Variants in TMEM120B observed in about 807,000 individuals in gnomAD.
The protein encoded by TMEM120B is transmembrane protein 120B.
TMEM120B carries 31 observed loss-of-function variants against 55.5 expected under a neutral mutation model. The observed-to-expected ratio is 0.56, with a 90% CI of 0.42 to 0.75. TMEM120B has a LOEUF of 0.75. Among genes scored for constraint, TMEM120B ranks in the 30% least tolerant of loss-of-function variants. TMEM120B has a pLI of 0.00. For synonymous variants in TMEM120B, 203 were observed against 176.3 expected, an observed-to-expected ratio of 1.15 and a Z score of -1.20; for missense variants, 399 against 425.5, an observed-to-expected ratio of 0.94 and a Z score of 0.55.
At chr12:121,746,906 C>T (rs866624779) in intron 2 of TMEM120B, among the ~76,000 whole-genome samples, 36 of 150,936 alleles carry the variant, frequency 2.4e-4, no homozygotes, top group South Asian at 4.2e-4. Context: ...TGCAGCGAGC[C>T]GAGATGGCGC....
chr12:121,718,344 C>T (rs527329797), intron 1 of TMEM120B, among the ~76,000 whole-genome samples: 6 of 150,434 alleles, frequency 4.0e-5, no homozygotes, highest in Non-Finnish European at 8.9e-5. Flanking sequence ...AAACAAAAAA[C>T]AAAAAAAAAC....
At chr12:121,757,429 C>T (rs1462607147) in intron 5 of TMEM120B, among the ~76,000 whole-genome samples, 2 of 152,026 alleles carry the variant, frequency 1.3e-5, no homozygotes, top group African/African-American at 4.8e-5. Flanking sequence ...GCAAGCTCCG[C>T]CTCCCGGGTT....
At chr12:121,744,960 G>A (rs1245288223) in intron 2 of TMEM120B, among the ~76,000 whole-genome samples, 1 of 152,196 alleles carries the variant, frequency 6.6e-6, no homozygotes, top group Non-Finnish European at 1.5e-5. Context: ...AGAGTCTAGA[G>A]TTTCTTCAGA....
At chr12:121,764,535 C>T (rs530671562) in intron 6 of TMEM120B, among the ~76,000 whole-genome samples, 4 of 151,458 alleles carry the variant, frequency 2.6e-5, no homozygotes, top group Admixed American at 1.3e-4. Flanking sequence ...AAAAATTAGC[C>T]AGGCATGGTG....
At chr12:121,752,265 A>G in intron 5 of TMEM120B, 42 bp downstream of exon 5, 1 of 1,564,052 alleles carries the variant, frequency 6.4e-7, no homozygotes, top group Non-Finnish European at 8.8e-7. Context: ...GGGCATGCAG[A>G]CGTCAGGTGG....
rs995807505 is a variant in TMEM120B, at chr12:121,712,778, A to C, written c.-118A>C. The C allele has an allele frequency of 1.1e-5, 7 of 630,280 alleles. No homozygotes were observed. Among genetic ancestry groups the C allele is most frequent in the South Asian group, 1.5e-4 (2 of 13,498 alleles). The allele number at this position is 630,280 out of a possible 1,614,324, so 39.0% of individuals were successfully genotyped here. A position where few individuals can be genotyped will look rare whatever the true frequency, so the allele number is the denominator to read the frequency against. ...GTTGCGCGCGTGGCTCTGGCTGCGC[A>C]GGAACAGCTGGTGCCTCCGAGGGCG... On this transcript the variant is annotated 5_prime_UTR_variant, in exon 1 of 12. Transcript: ENST00000449592.
intron 4 of TMEM120B, among the ~76,000 whole-genome samples, chr12:121,751,398 C>T (rs1873323779): frequency 7.6e-6 from 1 of 132,450 alleles, no homozygotes; most frequent in East Asian, 2.3e-4. Context: ...TCACATCCCA[C>T]CCCACTCTCA....
At chr12:121,725,882 C>T (rs570334011) in intron 1 of TMEM120B, among the ~76,000 whole-genome samples, 4 of 151,792 alleles carry the variant, frequency 2.6e-5, no homozygotes, top group African/African-American at 7.3e-5. Context: ...ACTATAAATA[C>T]AAGAATTAGC....
At chr12:121,767,481 T>A (rs905466529) in intron 6 of TMEM120B, among the ~76,000 whole-genome samples, 9 of 152,316 alleles carry the variant, frequency 5.9e-5, no homozygotes, top group African/African-American at 1.9e-4. Flanking sequence ...CTTTAACTTC[T>A]GTGGTGAAAT....
In TMEM120B at chr12:121,778,711, GTCCTA is replaced by G. The variant is rs1874330824; in HGVS notation, c.*2990_*2994del. The G allele has an allele frequency of 6.6e-6, 1 of 152,268 alleles. No homozygotes were observed. Among genetic ancestry groups the G allele is most frequent in the African/African-American group, 2.4e-5 (1 of 41,430 alleles). The allele number at this position is 152,268 out of a possible 1,614,324, so 9.4% of individuals were successfully genotyped here. Reference sequence around the variant, plus strand: ...CTTGAGGACTAAGTGGGCCAGTCCTGTCCTACCACAGTGGGGGGAACAGTCCACAG... The same window carrying G: ...CTTGAGGACTAAGTGGGCCAGTCCTGCCACAGTGGGGGGAACAGTCCACAG... On this transcript the variant is annotated 3_prime_UTR_variant, in exon 12 of 12. Coordinates refer to ENST00000449592, the MANE Select transcript of TMEM120B (RefSeq NM_001080825.2).
intron 9 of TMEM120B, 72 bp downstream of exon 9, chr12:121,773,585 C>A: frequency 1.7e-6 from 2 of 1,209,740 alleles, no homozygotes; most frequent in Non-Finnish European, 2.3e-6. Context: ...GGGAGTGCAG[C>A]CCTGCGAGCA....
intron 5 of TMEM120B, chr12:121,759,023 T>G: frequency 1.0e-6 from 1 of 985,424 alleles, no homozygotes; most frequent in Non-Finnish European, 1.2e-6. Context: ...CTGGGATTTT[T>G]TTATATATGT....
At chr12:121,725,271 G>T (rs773690630) in intron 1 of TMEM120B, among the ~76,000 whole-genome samples, 8 of 152,138 alleles carry the variant, frequency 5.3e-5, no homozygotes, top group Admixed American at 2.6e-4. Context: ...AATTTTTAGA[G>T]CTAGGGATTC....
intron 1 of TMEM120B, among the ~76,000 whole-genome samples, chr12:121,730,394 CTCAGCACTT>C (rs1254295703): frequency 6.6e-6 from 1 of 151,448 alleles, no homozygotes; most frequent in African/African-American, 2.4e-5. Flanking sequence ...CACCTGTAAT[CTCAGCACTT>C]TAGGAGGCAG....
At chr12:121,717,654 C>T (rs959192126) in intron 1 of TMEM120B, among the ~76,000 whole-genome samples, 3 of 152,108 alleles carry the variant, frequency 2.0e-5, no homozygotes, top group Middle Eastern at 3.4e-3. Flanking sequence ...GCTTGTGGGG[C>T]GTCTTTCTTT....
intron 5 of TMEM120B, among the ~76,000 whole-genome samples, chr12:121,754,845 G>A (rs1291246982): frequency 6.6e-6 from 1 of 152,212 alleles, no homozygotes; most frequent in Non-Finnish European, 1.5e-5. Flanking sequence ...GGGCAGAGGA[G>A]GGGGATTGGA....
chr12:121,746,182 C>T (rs1873075282), intron 2 of TMEM120B, among the ~76,000 whole-genome samples: 1 of 142,068 alleles, frequency 7.0e-6, no homozygotes, highest in Non-Finnish European at 1.5e-5. Flanking sequence ...TCTTAAACCG[C>T]CCCCCCACTT....
rs540380668 is a variant in TMEM120B at position 121,728,428 on chromosome 12, G to T, written c.70-15201G>T. On this transcript the variant is annotated intron_variant, in intron 1 of 11. Transcript: ENST00000449592. ...GGCGTGAACTTGGGAGATGGAGCTT[G>T]CAGTGAGCCGAGATTACGCCACTGT... Among the ~76,000 whole-genome samples the T allele has an allele frequency of 1.9e-3, 292 of 151,778 alleles. 1 individual carries two copies. The highest frequency in any genetic ancestry group is 1.0e-3 in the Non-Finnish European group (69 of 67,964).
At chr12:121,765,129 C>CTTTTTT (rs775861260) in intron 6 of TMEM120B, among the ~76,000 whole-genome samples, 5 of 133,710 alleles carry the variant, frequency 3.7e-5, no homozygotes, top group African/African-American at 1.4e-4. Context: ...TCTTTTCTTT[C>CTTTTTT]TTTTTTTTTT....
Sources: gnomAD v4.1 joint callset for allele counts (sites outside exome capture counted in the v4.1 genomes callset) on GRCh38, gnomAD v4.1.1 for gene constraint, MANE v1.5 for transcripts, NCBI Gene and HGNC (gene_info 2026-07-23, HGNC 2026-07-21) for gene names.